Variants in STYXL1 observed in about 807,000 individuals in gnomAD.
STYXL1 encodes serine/threonine/tyrosine-interacting-like protein 1.
In STYXL1, 32 loss-of-function variants were observed where a neutral mutation model predicts 36.4. The observed-to-expected ratio is 0.88, with a 90% CI of 0.66 to 1.18. STYXL1 has a LOEUF of 1.18. STYXL1 is among the 50% of genes most tolerant of loss of function. The pLI is 0.00. For synonymous variants in STYXL1, 133 were observed against 144.1 expected (o/e 0.92, Z 0.55); for missense variants, 354 against 394.1 (o/e 0.90, Z 0.86).
chr7:76,040,907 T>TA (rs1554582047), intron 1 of STYXL1, among the ~76,000 whole-genome samples: 2 of 151,786 alleles, frequency 1.3e-5, no homozygotes, highest in Admixed American at 6.6e-5. Flanking sequence ...GGTTCTGTTT[T>TA]AAAAATACAT....
chr7:76,001,101 A>G, intron 7 of STYXL1, 99 bp from the exon 8 acceptor site: 1 of 908,606 alleles, frequency 1.1e-6, no homozygotes, highest in Middle Eastern at 2.2e-4. Flanking sequence ...TGGTCCAAGC[A>G]TGAGTTCAAA....
At position 76,038,422 on chromosome 7, in the gene STYXL1, A is replaced by ATTCTT. The variant is rs35261977; in HGVS notation, c.-4-7896_-4-7895insAAGAA. Among the ~76,000 whole-genome samples the ATTCTT allele has an allele frequency of 4.7e-3, 627 of 132,222 alleles. 66 individuals are homozygous for ATTCTT. The highest frequency in any genetic ancestry group is 6.2e-3 in the Non-Finnish European group (379 of 61,308). 86.7% of individuals were successfully genotyped at this position (132,222 alleles called of 152,430 possible). ...GCTTTATGTTTGGGAATTGAATGAC[A>ATTCTT]TTTTTTTTTTTTTTTTTCCTGAGAC... is the stretch of plus-strand genomic sequence containing the variant. On this transcript the variant is annotated intron_variant, in intron 1 of 8. Coordinates refer to ENST00000359697, the MANE Select transcript of STYXL1 (RefSeq NM_001317785.2).
chr7:76,008,644 C>G (rs1482514987), intron 5 of STYXL1, among the ~76,000 whole-genome samples: 1 of 152,140 alleles, frequency 6.6e-6, no homozygotes, highest in Non-Finnish European at 1.5e-5. Flanking sequence ...TGTGGGCTGC[C>G]CCTAACCCGG....
Position 76,015,704 on chromosome 7 carries a change from G to A in STYXL1, c.308-1817C>T, listed in dbSNP as rs142285266. On this transcript the variant is annotated intron_variant, in intron 4 of 8. Coordinates refer to ENST00000359697, the MANE Select transcript of STYXL1 (RefSeq NM_001317785.2). Reference sequence around the variant, plus strand: ...CAACCTCTGATGGTTAATACTGAGTGTCAACTTGATTGGGTTGAAGGATGC... The same window carrying A: ...CAACCTCTGATGGTTAATACTGAGTATCAACTTGATTGGGTTGAAGGATGC... Among the ~76,000 whole-genome samples, 823 of 152,294 alleles carry A rather than the reference G, an allele frequency of 5.4e-3. 17 individuals carry two copies. The East Asian group carries it at 0.067, about 12-fold the overall frequency.
intron 4 of STYXL1, among the ~76,000 whole-genome samples, 174 bp from the exon 5 acceptor site, chr7:76,014,061 C>T (rs1188699806): frequency 6.6e-6 from 1 of 152,066 alleles, no homozygotes; most frequent in African/African-American, 2.4e-5. Context: ...TCACTGCAAC[C>T]TCTGCCTCCT....
At position 75,996,958 on chromosome 7, in the gene STYXL1, G is replaced by T. The variant is rs117205183; in HGVS notation, c.811-359C>A. Among the ~76,000 whole-genome samples the T allele has an allele frequency of 1.4e-4, 22 of 152,358 alleles. No homozygotes were observed. The East Asian group carries it at 4.0e-3, about 28-fold the overall frequency. On this transcript the variant is annotated intron_variant, in intron 8 of 8. Transcript: ENST00000359697. ...TGCATTGTGACTGGACAAATTAATG[G>T]AAAGAGGAAGAGAACTGTGGGCAAA...
At chr7:76,042,475 G>A (rs1163061064) in intron 1 of STYXL1, among the ~76,000 whole-genome samples, 1 of 134,820 alleles carries the variant, frequency 7.4e-6, no homozygotes, top group Non-Finnish European at 1.5e-5. Context: ...CGCGATCTCA[G>A]CTCACTGCAA....
chr7:76,016,296 ACAT>A (rs1180341812), intron 4 of STYXL1, among the ~76,000 whole-genome samples: 5 of 151,788 alleles, frequency 3.3e-5, no homozygotes, highest in Non-Finnish European at 5.9e-5. Context: ...ATCTATACAT[ACAT>A]GTGTATATAT....
intron 1 of STYXL1, among the ~76,000 whole-genome samples, chr7:76,041,492 G>A (rs1388374665): frequency 1.3e-5 from 2 of 152,206 alleles, no homozygotes; most frequent in African/African-American, 4.8e-5. Flanking sequence ...TAAGATGGAT[G>A]AATGTCTTCT....
intron 4 of STYXL1, among the ~76,000 whole-genome samples, chr7:76,020,300 C>T (rs1343372013): frequency 1.3e-5 from 2 of 152,194 alleles, no homozygotes; most frequent in South Asian, 4.1e-4. Context: ...GGGAGCATAG[C>T]GCCACCCCGT....
At chr7:76,017,051 C>G (rs927178300) in intron 4 of STYXL1, among the ~76,000 whole-genome samples, 21 of 152,032 alleles carry the variant, frequency 1.4e-4, no homozygotes, top group African/African-American at 5.1e-4. Context: ...GATGGAGTCT[C>G]GCTCTTGTCG....
intron 4 of STYXL1, among the ~76,000 whole-genome samples, chr7:76,014,176 T>C (rs930669268): frequency 1.3e-5 from 2 of 151,772 alleles, no homozygotes; most frequent in Non-Finnish European, 2.9e-5. Context: ...GGTTTCACCA[T>C]GTTTGCCAGC....
chr7:76,033,633 C>T (rs1468062941), intron 1 of STYXL1, among the ~76,000 whole-genome samples: 1 of 152,188 alleles, frequency 6.6e-6, no homozygotes, highest in Non-Finnish European at 1.5e-5. Flanking sequence ...AGATCCTTCT[C>T]ACCTCCTCAA....
intron 6 of STYXL1, among the ~76,000 whole-genome samples, chr7:76,004,238 C>A (rs2116782732): frequency 6.6e-6 from 1 of 152,228 alleles, no homozygotes; most frequent in South Asian, 2.1e-4. Flanking sequence ...GGATTACAGG[C>A]ATGTGCCACC....
chr7:76,016,059 C>T (rs1166217956), intron 4 of STYXL1, among the ~76,000 whole-genome samples: 1 of 152,000 alleles, frequency 6.6e-6, no homozygotes, highest in Non-Finnish European at 1.5e-5. Flanking sequence ...AGTTAATACT[C>T]CTTAACAAAC....
intron 1 of STYXL1, among the ~76,000 whole-genome samples, chr7:76,032,827 G>A (rs1165208932): frequency 6.6e-6 from 1 of 152,208 alleles, no homozygotes; most frequent in Non-Finnish European, 1.5e-5. Context: ...AACTGAGACA[G>A]AAGGTTGGGC....
rs369363776 is a variant in STYXL1, at chr7:75,996,643, G to C, written c.811-44C>G. The C allele has an allele frequency of 1.0e-4, 166 of 1,598,836 alleles. No homozygotes were observed. The African/African-American group carries it at 1.7e-3, about 17-fold the overall frequency. ...AAAGTGAACTTCACGATTGGTCCTGGGCCCTTTCCACTTGGATCAGAGGCA... is the reference window on the plus strand; with the variant it reads ...AAAGTGAACTTCACGATTGGTCCTGCGCCCTTTCCACTTGGATCAGAGGCA... On this transcript the variant is annotated intron_variant, in intron 8 of 8. Coordinates refer to ENST00000359697, the MANE Select transcript of STYXL1 (RefSeq NM_001317785.2).
intron 1 of STYXL1, 79 bp from the exon 2 acceptor site, chr7:76,030,606 A>T: frequency 2.4e-6 from 2 of 848,672 alleles, no homozygotes; most frequent in Non-Finnish European, 3.9e-6. Context: ...AATGAATTAA[A>T]CTCTTTTTTA....
intron 4 of STYXL1, among the ~76,000 whole-genome samples, chr7:76,014,671 G>A (rs1202032086): frequency 6.6e-6 from 1 of 151,746 alleles, no homozygotes; most frequent in African/African-American, 2.4e-5. Flanking sequence ...TGCAAACTCT[G>A]AGATATATGT....
Sources: gnomAD v4.1 joint callset for allele counts (sites outside exome capture counted in the v4.1 genomes callset) on GRCh38, gnomAD v4.1.1 for gene constraint, MANE v1.5 for transcripts, NCBI Gene and HGNC (gene_info 2026-07-23, HGNC 2026-07-21) for gene names.